EVC2: variants seen among roughly 807,000 people sequenced by gnomAD.
The protein encoded by EVC2 is EvC ciliary complex subunit 2.
In EVC2, 148 loss-of-function variants were observed where a neutral mutation model predicts 149.3. The ratio of observed to expected loss-of-function variants is 0.99; its 90% CI spans 0.87 to 1.14. The LOEUF (loss-of-function observed/expected upper bound fraction) is 1.14, where lower values mean the gene tolerates loss of function less well. Ranked by LOEUF, EVC2 falls within the 50% of genes most tolerant of loss-of-function variation. The pLI, the probability that EVC2 is intolerant of heterozygous loss-of-function variation, is 0.00. For synonymous variants in EVC2, 776 were observed against 649.9 expected (o/e 1.19, Z -2.95); for missense variants, 1,854 against 1,627.3 (o/e 1.14, Z -2.40).
At position 5,697,661 on chromosome 4, in the gene EVC2, G is replaced by C; in HGVS notation, c.229-14C>G. The C allele has an allele frequency of 1.2e-6, 2 of 1,612,748 alleles. No individual in the cohort carries two copies. The highest frequency in any genetic ancestry group is 1.7e-6 in the Non-Finnish European group (2 of 1,178,984). On this transcript the variant is annotated splice_polypyrimidine_tract_variant and intron_variant, in intron 1 of 21. Coordinates refer to ENST00000344408, the MANE Select transcript of EVC2 (RefSeq NM_147127.5). ...ACAGGGCAAGTCCTAAAAAATTCAA[G>C]ACACAAAGTCATTAATGGAACACAT...
chr4:5,694,626 G>A, intron 2 of EVC2, 125 bp from the exon 3 acceptor site: 1 of 1,002,696 alleles, frequency 1.0e-6, no homozygotes, highest in South Asian at 1.4e-5. Flanking sequence ...GGGTAAGTAA[G>A]TTAATGAAGG....
chr4:5,669,633 C>T (rs1308724835), intron 7 of EVC2, among the ~76,000 whole-genome samples: 3 of 152,284 alleles, frequency 2.0e-5, no homozygotes, highest in East Asian at 3.9e-4. Context: ...TGTCTCCCTG[C>T]CTCCCTCCCT....
At chr4:5,653,953 C>G (rs920221689) in intron 9 of EVC2, among the ~76,000 whole-genome samples, 2 of 152,192 alleles carry the variant, frequency 1.3e-5, no homozygotes, top group African/African-American at 4.8e-5. Flanking sequence ...GTGGTTCATG[C>G]CTGTAATCCC....
At chr4:5,630,181 T>C (rs74687666) in intron 11 of EVC2, among the ~76,000 whole-genome samples, 3,839 of 152,288 alleles carry the variant, frequency 0.025, 156 homozygotes, top group African/African-American at 0.087. Flanking sequence ...TCGTTCTCTG[T>C]CCTGGGTGCC....
chr4:5,539,536 TATC>T (rs1721475314), downstream of EVC2, among the ~76,000 whole-genome samples: 1 of 152,124 alleles, frequency 6.6e-6, no homozygotes, highest in Non-Finnish European at 1.5e-5. Context: ...ATTTAAGACT[TATC>T]ATAAAGCTAC....
At chr4:5,580,768 T>C (rs1711686282) in intron 17 of EVC2, among the ~76,000 whole-genome samples, 1 of 20,634 alleles carries the variant, frequency 4.8e-5, no homozygotes, top group African/African-American at 1.8e-4. Context: ...AGTTTTATCT[T>C]GAATGGGTGT....
At chr4:5,638,272 C>T (rs1717029734) in intron 10 of EVC2, among the ~76,000 whole-genome samples, 1 of 151,948 alleles carries the variant, frequency 6.6e-6, no homozygotes, top group African/African-American at 2.4e-5. Flanking sequence ...GCCTGTAATC[C>T]CAGCTACTCG....
intron 16 of EVC2, among the ~76,000 whole-genome samples, 184 bp from the exon 17 acceptor site, chr4:5,585,034 C>T (rs1013661784): frequency 3.9e-5 from 6 of 152,144 alleles, no homozygotes; most frequent in African/African-American, 1.4e-4. Context: ...CGTATGAAGA[C>T]GCCAGGGGCT....
chr4:5,553,304 G>A (rs1721775174), intron 21 of EVC2, among the ~76,000 whole-genome samples: 6 of 152,168 alleles, frequency 3.9e-5, no homozygotes. Context: ...CTATTGTGAG[G>A]ACAGTACCAA....
intron 17 of EVC2, among the ~76,000 whole-genome samples, chr4:5,583,800 A>C (rs1266567337): frequency 6.6e-6 from 1 of 151,152 alleles, no homozygotes; most frequent in East Asian, 1.9e-4. Context: ...TCTTCACTTT[A>C]TCAATTCTAT....
chr4:5,701,962 C>T (rs1284537837), intron 1 of EVC2, among the ~76,000 whole-genome samples: 1 of 152,102 alleles, frequency 6.6e-6, no homozygotes, highest in Non-Finnish European at 1.5e-5. Context: ...CCCTCCATAG[C>T]CCCCTGGCCT....
At chr4:5,604,573 C>G (rs1271230270) in intron 16 of EVC2, among the ~76,000 whole-genome samples, 1 of 152,020 alleles carries the variant, frequency 6.6e-6, no homozygotes, top group African/African-American at 2.4e-5. Context: ...ACAAAAGAGG[C>G]TGGTTAATGA....
intron 7 of EVC2, among the ~76,000 whole-genome samples, chr4:5,675,880 G>A (rs539522402): frequency 1.3e-5 from 2 of 152,182 alleles, no homozygotes; most frequent in African/African-American, 4.8e-5. Context: ...GGAGGCAGAG[G>A]TTGCCGTGAG....
At chr4:5,690,639 G>C (rs773996308) in intron 4 of EVC2, among the ~76,000 whole-genome samples, 11 of 152,086 alleles carry the variant, frequency 7.2e-5, no homozygotes, top group Admixed American at 4.6e-4. Context: ...TATTCCATCC[G>C]GATTGTCAAA....
intron 7 of EVC2, among the ~76,000 whole-genome samples, chr4:5,678,842 C>T (rs1386302474): frequency 2.0e-5 from 3 of 152,110 alleles, no homozygotes; most frequent in African/African-American, 7.2e-5. Context: ...ACCAGCCTGG[C>T]CAATGTGGTA....
At chr4:5,542,982 C>T (rs1721543683) in intron 22 of EVC2, 1 of 423,492 alleles carries the variant, frequency 2.4e-6, no homozygotes, top group South Asian at 2.0e-5. Flanking sequence ...TCCCACACTT[C>T]TCCCCTCCAC....
rs137852928 is a variant in EVC2 at position 5,584,832 on chromosome 4, G to A, written c.2848C>T (p.Arg950Trp). The change falls in exon 17 of 22, where the codon CGG (arginine) becomes TGG (tryptophan). Residue 950 changes from arginine to tryptophan, a missense_variant. Arg to Trp is a moderately radical substitution (Grantham distance 101). Coordinates refer to ENST00000344408, the MANE Select transcript of EVC2 (RefSeq NM_147127.5). ...GCCTCCATCCGCTGCACTCTCTCCC[G>A]CAGCAATTCACCTCGAACCTGGGAG... The part of the protein sequence containing the change: ...LVEKVRGELL[R>W]ERVQRMEAQE... The A allele has an allele frequency of 1.3e-4, 208 of 1,614,008 alleles. No individual in the cohort carries two copies. Among genetic ancestry groups the A allele is most frequent in the Middle Eastern group, 3.3e-4 (2 of 6,084 alleles).
intron 16 of EVC2, among the ~76,000 whole-genome samples, chr4:5,589,220 G>A (rs1483540116): frequency 2.6e-5 from 4 of 152,232 alleles, no homozygotes; most frequent in Non-Finnish European, 4.4e-5. Flanking sequence ...TGTGGGACTA[G>A]CATAGGGCTC....
At chr4:5,708,608 T>C (rs1417871949), upstream of EVC2, 7 of 922,272 alleles carry the variant, frequency 7.6e-6, no homozygotes, top group Non-Finnish European at 1.0e-5. Context: ...GCATGCTCAG[T>C]GCGAGCCGCC....
Sources: allele counts gnomAD v4.1 joint callset (sites outside exome capture counted in the v4.1 genomes callset), GRCh38; gene constraint gnomAD v4.1.1; transcripts MANE v1.5; gene names NCBI Gene and HGNC (gene_info 2026-07-23, HGNC 2026-07-21).